The following LMO3 variants were observed in gnomAD, a reference collection of about 807,000 sequenced individuals.
The protein encoded by LMO3 is LIM domain only protein 3.
In LMO3, 2 loss-of-function variants were observed where a neutral mutation model predicts 15.8. The ratio of observed to expected loss-of-function variants is 0.13; its 90% CI spans 0.05 to 0.40. LMO3 has a LOEUF of 0.40. Ranked by LOEUF, LMO3 falls within the 10% of genes least tolerant of loss-of-function variation. The pLI is 0.99. For synonymous variants in LMO3, 62 were observed against 63.8 expected (o/e 0.97, Z 0.13); for missense variants, 86 against 182.2 (o/e 0.47, Z 3.04).
At position 16,596,559 on chromosome 12, in the gene LMO3, T is replaced by C. The variant is rs1429209545; in HGVS notation, c.206+4096A>G. ...GAACAACAAAAAAATTGCCCAGAAG[T>C]TGAGTTCCAGTTACATTCTGACATC... is the stretch of plus-strand genomic sequence containing the variant. On this transcript the variant is annotated intron_variant, in intron 2 of 3. Coordinates refer to ENST00000537304, the MANE Select transcript of LMO3 (RefSeq NM_018640.5). This position sits in a 1 kb window ranked among gnomAD's most constrained non-coding sequence, Gnocchi z 4.3. Among the ~76,000 whole-genome samples the C allele has an allele frequency of 1.3e-5, 2 of 151,656 alleles. No homozygotes were observed. Among genetic ancestry groups the C allele is most frequent in the East Asian group, 3.9e-4 (2 of 5,186 alleles).
intron 2 of LMO3, chr12:16,594,393 A>C: frequency 1.4e-6 from 1 of 710,342 alleles, no homozygotes; most frequent in Non-Finnish European, 2.1e-6. Context: ...ATACAAATGG[A>C]GTTTTATAAA....
intron 2 of LMO3, among the ~76,000 whole-genome samples, chr12:16,592,592 G>C (rs1484627662): frequency 6.6e-6 from 1 of 151,790 alleles, no homozygotes; most frequent in African/African-American, 2.4e-5. Context: ...ACCCACCCAG[G>C]TAAAGGAACA....
In LMO3 at chr12:16,555,943, G is replaced by T. The variant is rs935065070; in HGVS notation, c.332+4470C>A. On this transcript the variant is annotated intron_variant, in intron 3 of 3. Transcript: ENST00000537304. This position sits in a 1 kb window ranked among gnomAD's most constrained non-coding sequence, Gnocchi z 5.5. The stretch of plus-strand genomic sequence containing the variant: ...GATGCTTCCCTAACACTTCAAGAAG[G>T]ATGGCTCTCTCTTCCCTCAGTATAG... Among the ~76,000 whole-genome samples, 1 of 151,908 alleles carries T rather than the reference G, an allele frequency of 6.6e-6. No individual in the cohort carries two copies. Among genetic ancestry groups the T allele is most frequent in the African/African-American group, 2.4e-5 (1 of 41,334 alleles).
rs978072270 is a variant in LMO3 at position 16,599,123 on chromosome 12, A to T, written c.206+1532T>A. The stretch of plus-strand genomic sequence containing the variant: ...GAGGCTCTAATTCACAATGGGCAGA[A>T]GAGAAATTTTTATTTCAAAGAGGAA... On this transcript the variant is annotated intron_variant, in intron 2 of 3. Coordinates refer to ENST00000537304, the MANE Select transcript of LMO3 (RefSeq NM_018640.5). The surrounding 1 kb of genome is among the most constrained non-coding windows in gnomAD (Gnocchi z 4.1). The T allele has an allele frequency of 3.9e-5, 6 of 152,744 alleles. No individual in the cohort carries two copies. The highest frequency in any genetic ancestry group is 1.4e-4 in the African/African-American group (6 of 41,460). The allele number at this position is 152,744 out of a possible 1,614,324, so 9.5% of individuals were successfully genotyped here. A position where few individuals can be genotyped will look rare whatever the true frequency, so the allele number is the denominator to read the frequency against.
upstream of LMO3, chr12:16,609,905 T>A (rs1217007169): frequency 2.0e-5 from 3 of 150,010 alleles, no homozygotes; most frequent in Non-Finnish European, 4.4e-5. Flanking sequence ...TCCGGTTAGG[T>A]TGCCGTCTTT....
chr12:16,573,454 T>C (rs1053972904), intron 2 of LMO3: 1 of 152,198 alleles, frequency 6.6e-6, no homozygotes, highest in Non-Finnish European at 1.5e-5. Flanking sequence ...TATGTGCTTG[T>C]GTGTCCACAT....
In LMO3 at chr12:16,604,355, AC is replaced by A. The variant is rs1194798908; in HGVS notation, c.-9+1710del. Among the ~76,000 whole-genome samples the A allele has an allele frequency of 2.1e-5, 3 of 144,268 alleles. No homozygotes were observed. The highest frequency in any genetic ancestry group is 4.5e-5 in the Non-Finnish European group (3 of 65,964). The allele number at this position is 144,268 out of a possible 152,430, so 94.6% of individuals were successfully genotyped here. On this transcript the variant is annotated intron_variant, in intron 1 of 3. Coordinates refer to ENST00000537304, the MANE Select transcript of LMO3 (RefSeq NM_018640.5). This position sits in a 1 kb window ranked among gnomAD's most constrained non-coding sequence, Gnocchi z 5.3. ...CTCCCAGCCCCCTTCCCTATCCTTC[AC>A]CCCCCTCCCCTTTTTGAGCAATGGA... is the stretch of plus-strand genomic sequence containing the variant.
At chr12:16,578,784 C>A (rs1408000622) in intron 2 of LMO3, among the ~76,000 whole-genome samples, 1 of 151,936 alleles carries the variant, frequency 6.6e-6, no homozygotes, top group East Asian at 1.9e-4. Context: ...AGCCACTGAA[C>A]TCCAGCCTGG....
At position 16,551,119 on chromosome 12, in the gene LMO3, T is replaced by C; in HGVS notation, c.*103A>G. ...TATAACCATCCTGCCTTCCTATATC[T>C]ACGCTATTCAGTAGGTTCCTGTGTC... On this transcript the variant is annotated 3_prime_UTR_variant, in exon 4 of 4. Transcript: ENST00000537304. 1 of 750,568 alleles carries C rather than the reference T, an allele frequency of 1.3e-6. No homozygotes were observed. Among genetic ancestry groups the C allele is most frequent in the South Asian group, 1.6e-5 (1 of 61,302 alleles). The allele number at this position is 750,568 out of a possible 1,614,324, so 46.5% of individuals were successfully genotyped here. A position where few individuals can be genotyped will look rare whatever the true frequency, so the allele number is the denominator to read the frequency against.
rs1045597807 is a variant in LMO3 at position 16,586,027 on chromosome 12, G to C, written c.206+14628C>G. ...TTAGGACACTGATGTTTTTGCAGCT[G>C]TTAATGAAAATCTTCAACACAGGAA... On this transcript the variant is annotated intron_variant, in intron 2 of 3. Coordinates refer to ENST00000537304, the MANE Select transcript of LMO3 (RefSeq NM_018640.5). The surrounding 1 kb of genome is among the most constrained non-coding windows in gnomAD (Gnocchi z 4.3). Among the ~76,000 whole-genome samples the C allele has an allele frequency of 2.0e-5, 3 of 152,074 alleles. No individual in the cohort carries two copies. Among genetic ancestry groups the C allele is most frequent in the Non-Finnish European group, 4.4e-5 (3 of 68,016 alleles).
chr12:16,554,653 A>G (rs1192737263), intron 3 of LMO3, among the ~76,000 whole-genome samples: 1 of 152,154 alleles, frequency 6.6e-6, no homozygotes, highest in African/African-American at 2.4e-5. Context: ...AGTCCACTAT[A>G]TCTATTCACA....
chr12:16,569,842 A>G (rs942532012), intron 2 of LMO3, among the ~76,000 whole-genome samples: 14 of 152,192 alleles, frequency 9.2e-5, no homozygotes, highest in African/African-American at 3.4e-4. Flanking sequence ...AATAAAGGAT[A>G]ACACATATGT....
intron 2 of LMO3, among the ~76,000 whole-genome samples, chr12:16,568,257 T>C (rs950277352): frequency 7.2e-5 from 11 of 152,204 alleles, no homozygotes; most frequent in African/African-American, 1.4e-4. Context: ...ATAAAATACC[T>C]GCCATAAACA....
Position 16,560,869 on chromosome 12 carries a change from A to C in LMO3, c.207-331T>G, listed in dbSNP as rs945252438. On this transcript the variant is annotated intron_variant, in intron 2 of 3. Transcript: ENST00000537304. The surrounding 1 kb of genome is among the most constrained non-coding windows in gnomAD (Gnocchi z 5.0). ...AGAGTATATAGAAAATATAAAAGCA[A>C]TATAACTTTGCTCTTAATGTTATAT... 5 of 279,562 alleles carry C rather than the reference A, an allele frequency of 1.8e-5. No individual in the cohort carries two copies. The highest frequency in any genetic ancestry group is 1.2e-4 in the Admixed American group (3 of 25,402). 17.3% of individuals were successfully genotyped at this position (279,562 alleles called of 1,614,324 possible).
chr12:16,584,368 T>C lies in LMO3; in HGVS notation c.206+16287A>G, dbSNP rs530692436. Among the ~76,000 whole-genome samples, 21 of 152,090 alleles carry C rather than the reference T, an allele frequency of 1.4e-4. No individual in the cohort carries two copies. Among genetic ancestry groups the C allele is most frequent in the Non-Finnish European group, 2.8e-4 (19 of 68,018 alleles). ...CCTTAAAGGAGAGGCAAGTTTCAGG[T>C]AAGGCAACAGATGAAATTCAGTTAA... On this transcript the variant is annotated intron_variant, in intron 2 of 3. Coordinates refer to ENST00000537304, the MANE Select transcript of LMO3 (RefSeq NM_018640.5). This position sits in a 1 kb window ranked among gnomAD's most constrained non-coding sequence, Gnocchi z 5.2.
At position 16,587,117 on chromosome 12, in the gene LMO3, G is replaced by T. The variant is rs1040061006; in HGVS notation, c.206+13538C>A. 4.6e-4 allele frequency among the ~76,000 whole-genome samples: 70 copies of T among 152,126 alleles called. No individual in the cohort carries two copies. Among genetic ancestry groups the T allele is most frequent in the African/African-American group, 1.7e-3 (69 of 41,414 alleles). On this transcript the variant is annotated intron_variant, in intron 2 of 3. Transcript: ENST00000537304. This position sits in a 1 kb window ranked among gnomAD's most constrained non-coding sequence, Gnocchi z 4.3. Reference sequence around the variant, plus strand: ...CCAAACTATGCCCACAAGGGTACTTGGACAATGGCTTACATTTTAAATTAT... The same window carrying T: ...CCAAACTATGCCCACAAGGGTACTTTGACAATGGCTTACATTTTAAATTAT...
chr12:16,562,238 TGATCTGCTTAGGA>T (rs760379451), intron 2 of LMO3, among the ~76,000 whole-genome samples: 5 of 152,344 alleles, frequency 3.3e-5, no homozygotes, highest in East Asian at 1.9e-4. Flanking sequence ...GTACTTAACA[TGATCTGCTTAGGA>T]GATCTGCTTA....
chr12:16,554,240 G>A (rs1215745292), intron 3 of LMO3, among the ~76,000 whole-genome samples: 1 of 152,120 alleles, frequency 6.6e-6, no homozygotes, highest in Non-Finnish European at 1.5e-5. Context: ...GTTATCAAAA[G>A]CCTATGCTAA....
chr12:16,562,458 A>AT (rs891118448), intron 2 of LMO3, among the ~76,000 whole-genome samples: 4 of 152,226 alleles, frequency 2.6e-5, no homozygotes, highest in South Asian at 2.1e-4. Flanking sequence ...CCATTTTGAA[A>AT]TTCTGGACGT....
Sources: allele counts gnomAD v4.1 joint callset (sites outside exome capture counted in the v4.1 genomes callset), GRCh38; gene constraint gnomAD v4.1.1; non-coding constraint Gnocchi (gnomAD v3.1); transcripts MANE v1.5; gene names NCBI Gene and HGNC (gene_info 2026-07-23, HGNC 2026-07-21).